The following FAM209A variants were observed in gnomAD, a reference collection of about 807,000 sequenced individuals.
The protein encoded by FAM209A is protein FAM209A.
A neutral mutation model predicts 9.8 loss-of-function variants in FAM209A; 4 were observed. The ratio of observed to expected loss-of-function variants is 0.41; its 90% CI spans 0.20 to 0.94. FAM209A has a LOEUF of 0.94. FAM209A is among the 40% of genes least tolerant of loss of function. The pLI is 0.32. For missense variants in FAM209A, 205 were observed against 209.4 expected (o/e 0.98, Z 0.13); for synonymous variants, 55 against 77.8 (o/e 0.71, Z 1.54).
downstream of FAM209A, among the ~76,000 whole-genome samples, chr20:56,526,423 A>G (rs1021361292): frequency 6.6e-6 from 1 of 152,142 alleles, no homozygotes; most frequent in Admixed American, 6.5e-5. Flanking sequence ...TATAGCATCT[A>G]TTTGTGCAAG....
chr20:56,529,872 T>C (rs945118886), downstream of FAM209A, among the ~76,000 whole-genome samples: 2 of 151,592 alleles, frequency 1.3e-5, no homozygotes, highest in Non-Finnish European at 2.9e-5. Flanking sequence ...AATACGAAAA[T>C]TAGGCAGGCG....
chr20:56,524,854 T>G lies in FAM209A; in HGVS notation c.46T>G (p.Cys16Gly). The change falls in exon 1 of 2, where the codon TGC becomes GGC. Residue 16 changes from cysteine (C) to glycine (G), a missense_variant. By Grantham distance (159) the Cys-to-Gly change is radical (BLOSUM62 -3). Coordinates refer to ENST00000371328, the MANE Select transcript of FAM209A (RefSeq NM_001012971.4). ...CCTGGTCCTGCTTCTGTGCCTCACC[T>G]GCAGCTATGCCTTTATGTTCTCTTC... Reference protein sequence around the residue: ...SSLVLLLCLTCSYAFMFSSLR... With the variant: ...SSLVLLLCLTGSYAFMFSSLR... The G allele has an allele frequency of 6.2e-7, 1 of 1,614,204 alleles. No individual in the cohort carries two copies. Among genetic ancestry groups the G allele is most frequent in the South Asian group, 1.1e-5 (1 of 91,086 alleles).
chr20:56,528,664 TCTGA>T (rs1226307987), downstream of FAM209A, among the ~76,000 whole-genome samples: 1 of 152,110 alleles, frequency 6.6e-6, no homozygotes, highest in Non-Finnish European at 1.5e-5. Context: ...AATCTCTCTC[TCTGA>T]CTTTCTGTCC....
Position 56,525,820 on chromosome 20 carries a change from G to A in FAM209A, c.266G>A (p.Gly89Asp). ...TCCTGACAGGAGCAGAGTCCTCCTGGCCTTCGAGGCGGCCAACTTCACTCT... is the reference window on the plus strand; with the variant it reads ...TCCTGACAGGAGCAGAGTCCTCCTGACCTTCGAGGCGGCCAACTTCACTCT... ...SEKNKEQSPPGLRGGQLHSPL... is the reference protein window; with the variant it reads ...SEKNKEQSPPDLRGGQLHSPL... Residue 89 changes from glycine to aspartate, a missense_variant, in exon 2 of 2, where the codon GGC becomes GAC. Transcript: ENST00000371328. The A allele has an allele frequency of 1.2e-6, 2 of 1,614,026 alleles. No individual in the cohort carries two copies. Among genetic ancestry groups the A allele is most frequent in the Non-Finnish European group, 8.5e-7 (1 of 1,179,998 alleles).
chr20:56,528,798 G>A (rs1985644626), downstream of FAM209A, among the ~76,000 whole-genome samples: 1 of 152,182 alleles, frequency 6.6e-6, no homozygotes, highest in South Asian at 2.1e-4. Flanking sequence ...AGAGGAATCT[G>A]GACAGGCCCT....
rs767948280 is a variant in FAM209A, at chr20:56,524,935, C to T, written c.127C>T (p.Arg43Trp). 1.2e-5 allele frequency: 19 copies of T among 1,614,074 alleles called. No individual in the cohort carries two copies. Among genetic ancestry groups the T allele is most frequent in the South Asian group, 7.7e-5 (7 of 91,094 alleles). Residue 43 changes from arginine (R) to tryptophan (W), a missense_variant, in exon 1 of 2, where the codon CGG becomes TGG. By Grantham distance (101) the Arg-to-Trp change is moderately radical (BLOSUM62 -3). Coordinates refer to ENST00000371328, the MANE Select transcript of FAM209A (RefSeq NM_001012971.4). Reference sequence around the variant, plus strand: ...GAAGGTGCAATACGGAGAGCACTTTCGGATTCGGCAGAATCTACCAGAGCA... The same window carrying T: ...GAAGGTGCAATACGGAGAGCACTTTTGGATTCGGCAGAATCTACCAGAGCA... The part of the protein sequence containing the change: ...QGKVQYGEHF[R>W]IRQNLPEHTQ...
chr20:56,533,041 G>A, the FAM209A span: 1 of 477,496 alleles, frequency 2.1e-6, no homozygotes, highest in Non-Finnish European at 2.7e-6. Flanking sequence ...AAACATGACG[G>A]CCTCTACCAG....
chr20:56,526,210 G>A (rs146673688), downstream of FAM209A: 3,303 of 1,235,364 alleles, frequency 2.7e-3, 84 homozygotes, highest in African/African-American at 0.046. Context: ...AAAGTGAATG[G>A]GAGACCAGTA....
At chr20:56,532,526 C>G in the FAM209A span, among the ~76,000 whole-genome samples, 5 of 140,282 alleles carry the variant, frequency 3.6e-5, no homozygotes, top group African/African-American at 1.1e-4. Context: ...GCTCTGTTGC[C>G]AGGCTGGAGT....
At chr20:56,533,113 C>T in the FAM209A span, 1 of 1,388,802 alleles carries the variant, frequency 7.2e-7, no homozygotes, top group Non-Finnish European at 9.4e-7. Flanking sequence ...CGTGCCTATC[C>T]TCTCTCTCTG....
At chr20:56,532,954 A>C in the FAM209A span, among the ~76,000 whole-genome samples, 19 of 152,082 alleles carry the variant, frequency 1.2e-4, no homozygotes, top group African/African-American at 4.6e-4. Context: ...TTTCTCTCCC[A>C]TTTAACTCAG....
At chr20:56,532,938 A>C in the FAM209A span, among the ~76,000 whole-genome samples, 1 of 152,184 alleles carries the variant, frequency 6.6e-6, no homozygotes, top group African/African-American at 2.4e-5. Context: ...CCTGTGGTTT[A>C]ATATCTTTCT....
At chr20:56,525,085 C>A in intron 1 of FAM209A, 28 bp downstream of exon 1, 2 of 1,608,778 alleles carry the variant, frequency 1.2e-6, no homozygotes, top group Non-Finnish European at 1.7e-6. Flanking sequence ...TTTTTTACAC[C>A]ATATTGATTC....
chr20:56,531,524 C>T, the FAM209A span, among the ~76,000 whole-genome samples: 1 of 152,022 alleles, frequency 6.6e-6, no homozygotes, highest in African/African-American at 2.4e-5. Flanking sequence ...TGGTCTCAAA[C>T]TCTCGACCTT....
In FAM209A at chr20:56,524,853, C is replaced by T. The variant is rs1422497773; in HGVS notation, c.45C>T (p.Thr15=). ...KSSLVLLLCL[T]CSYAFMFSSL... ...CCCTGGTCCTGCTTCTGTGCCTCAC[C>T]TGCAGCTATGCCTTTATGTTCTCTT... The change falls in exon 1 of 2, where the codon ACC becomes ACT. Residue 15 remains threonine (T), a synonymous_variant. Transcript: ENST00000371328. 6.2e-7 allele frequency: 1 copy of T among 1,614,082 alleles called. No individual in the cohort carries two copies. The highest frequency in any genetic ancestry group is 8.5e-7 in the Non-Finnish European group (1 of 1,180,040).
chr20:56,530,822 CTTCT>C (rs1985719888), downstream of FAM209A, among the ~76,000 whole-genome samples: 2 of 152,036 alleles, frequency 1.3e-5, no homozygotes, highest in East Asian at 1.9e-4. Context: ...GCTTGTAGAA[CTTCT>C]TTGTCACTCC....
At chr20:56,531,767 AG>A in the FAM209A span, among the ~76,000 whole-genome samples, 1 of 152,010 alleles carries the variant, frequency 6.6e-6, no homozygotes, top group African/African-American at 2.4e-5. Flanking sequence ...CTGAGATTGC[AG>A]GCGTGCATTG....
rs762326030 is a variant in FAM209A at position 56,525,861 on chromosome 20, A to G, written c.307A>G (p.Arg103Gly). ...GQLHSPLKKK[R>G]NASPNKDCAF... ...ACTTCACTCTCCATTAAAGAAAAAA[A>G]GAAATGCTTCCCCCAACAAAGACTG... The change falls in exon 2 of 2, where the codon AGA (arginine) becomes GGA (glycine). Residue 103 changes from arginine to glycine, a missense_variant. By Grantham distance (125) the Arg-to-Gly change is moderately radical. Coordinates refer to ENST00000371328, the MANE Select transcript of FAM209A (RefSeq NM_001012971.4). 1.9e-6 allele frequency: 3 copies of G among 1,614,194 alleles called. No individual in the cohort carries two copies. Among genetic ancestry groups the G allele is most frequent in the Admixed American group, 1.7e-5 (1 of 60,014 alleles).
Position 56,524,943 on chromosome 20 carries a change from G to A in FAM209A, c.135G>A (p.Arg45=). ...KVQYGEHFRI[R]QNLPEHTQGW... is the part of the protein sequence containing the mutation. ...AATACGGAGAGCACTTTCGGATTCG[G>A]CAGAATCTACCAGAGCACACCCAAG... Residue 45 remains arginine (R), a synonymous_variant, in exon 1 of 2, where the codon CGG becomes CGA. Transcript: ENST00000371328. 6.2e-7 allele frequency: 1 copy of A among 1,614,194 alleles called. No homozygotes were observed. Among genetic ancestry groups the A allele is most frequent in the Non-Finnish European group, 8.5e-7 (1 of 1,180,044 alleles).
Sources: gnomAD v4.1 joint callset for allele counts (sites outside exome capture counted in the v4.1 genomes callset) on GRCh38, gnomAD v4.1.1 for gene constraint, MANE v1.5 for transcripts, NCBI Gene and HGNC (gene_info 2026-07-23, HGNC 2026-07-21) for gene names.